The following CAMK1D variants were observed in gnomAD, a reference collection of about 807,000 sequenced individuals.
CAMK1D encodes the protein calcium/calmodulin dependent protein kinase ID.
Under a neutral mutation model 47.7 loss-of-function variants are expected in CAMK1D, and 9 were observed. The ratio of observed to expected loss-of-function variants is 0.19; its 90% CI spans 0.11 to 0.33. The LOEUF (loss-of-function observed/expected upper bound fraction) is 0.33. Ranked by LOEUF, CAMK1D falls within the 10% of genes least tolerant of loss-of-function variation. The pLI is 1.00. For synonymous variants in CAMK1D, 184 were observed against 184.9 expected (o/e 0.99, Z 0.04); for missense variants, 291 against 488.7 (o/e 0.60, Z 3.81).
At position 12,816,334 on chromosome 10, in the gene CAMK1D, G is replaced by A; in HGVS notation, c.833+6G>A. 1 of 1,612,198 alleles carries A rather than the reference G, an allele frequency of 6.2e-7. No homozygotes were observed. Among genetic ancestry groups the A allele is most frequent in the Non-Finnish European group, 8.5e-7 (1 of 1,178,950 alleles). Reference sequence around the variant, plus strand: ...CAGGCAGCTCGGCACCCATGGTAAGGAAATGCACCCGCTCAGCAGACCGTG... The same window carrying A: ...CAGGCAGCTCGGCACCCATGGTAAGAAAATGCACCCGCTCAGCAGACCGTG... On this transcript the variant is annotated splice_donor_region_variant and intron_variant, in intron 8 of 10. Transcript: ENST00000619168.
chr10:12,408,307 G>A (rs1377416205), intron 1 of CAMK1D, among the ~76,000 whole-genome samples: 7 of 151,978 alleles, frequency 4.6e-5, no homozygotes, highest in Admixed American at 3.3e-4. Context: ...GACTACAGGC[G>A]CCCGCTACCT....
chr10:12,737,421 G>T (rs1315984807), intron 3 of CAMK1D, among the ~76,000 whole-genome samples: 1 of 152,128 alleles, frequency 6.6e-6, no homozygotes, highest in Non-Finnish European at 1.5e-5. Flanking sequence ...TTCCTAGTCA[G>T]GCCCCTTCCT....
At chr10:12,801,287 GTC>G (rs1564571794) in intron 6 of CAMK1D, among the ~76,000 whole-genome samples, 20 of 132,696 alleles carry the variant, frequency 1.5e-4, no homozygotes, top group African/African-American at 5.1e-4. Context: ...CCATATTTCT[GTC>G]TGTGTGTGTA....
At chr10:12,463,342 T>C (rs1255131909) in intron 1 of CAMK1D, among the ~76,000 whole-genome samples, 1 of 152,136 alleles carries the variant, frequency 6.6e-6, no homozygotes. Flanking sequence ...TTCACCTTGT[T>C]GGCCAGGCTG....
chr10:12,416,695 G>A (rs1267860988), intron 1 of CAMK1D, among the ~76,000 whole-genome samples: 2 of 152,214 alleles, frequency 1.3e-5, no homozygotes, highest in African/African-American at 4.8e-5. Flanking sequence ...ACTAGCACTG[G>A]GCGGTGGAGA....
intron 5 of CAMK1D, among the ~76,000 whole-genome samples, chr10:12,781,153 G>A (rs1837475737): frequency 6.6e-6 from 1 of 152,184 alleles, no homozygotes; most frequent in Admixed American, 6.5e-5. Flanking sequence ...TTGTCGTGGT[G>A]GGAAAGAGGG....
intron 2 of CAMK1D, among the ~76,000 whole-genome samples, chr10:12,611,420 C>T (rs1026492552): frequency 9.9e-5 from 15 of 151,866 alleles, no homozygotes; most frequent in African/African-American, 2.4e-4. Context: ...TTTCTGGGGA[C>T]GAATCCAGAC....
intron 1 of CAMK1D, among the ~76,000 whole-genome samples, chr10:12,437,765 G>A (rs1255759943): frequency 1.3e-5 from 2 of 152,144 alleles, no homozygotes; most frequent in African/African-American, 4.8e-5. Flanking sequence ...CACCATGATC[G>A]TATCATACAG....
intron 1 of CAMK1D, among the ~76,000 whole-genome samples, chr10:12,419,586 G>A (rs190348087): frequency 1.8e-3 from 280 of 151,782 alleles, no homozygotes; most frequent in African/African-American, 6.3e-3. Flanking sequence ...CCGGGCCTCA[G>A]TGGATTCTGA....
intron 5 of CAMK1D, among the ~76,000 whole-genome samples, chr10:12,777,268 G>A (rs1028928343): frequency 4.6e-5 from 7 of 151,680 alleles, no homozygotes; most frequent in Non-Finnish European, 5.9e-5. Context: ...GGAGAGTGGC[G>A]TGCTCCCCGT....
chr10:12,532,544 G>C lies in CAMK1D; in HGVS notation c.93-20681G>C, dbSNP rs1348035538. On this transcript the variant is annotated intron_variant, in intron 1 of 10. Transcript: ENST00000619168. Reference sequence around the variant, plus strand: ...TCCGTCCGCCTCGGCCTCCCAAAGTGCTGGGATTACAGGCGTGAGCCACCG... The same window carrying C: ...TCCGTCCGCCTCGGCCTCCCAAAGTCCTGGGATTACAGGCGTGAGCCACCG... Among the ~76,000 whole-genome samples the C allele has an allele frequency of 3.3e-5, 5 of 151,362 alleles. No individual in the cohort carries two copies. In the East Asian group the frequency reaches 9.6e-4, roughly 29 times the overall value.
intron 2 of CAMK1D, among the ~76,000 whole-genome samples, chr10:12,623,346 TCCC>T (rs1839091729): frequency 7.7e-4 from 3 of 3,920 alleles, no homozygotes; most frequent in African/African-American, 3.0e-3. Flanking sequence ...CTTTCTTTCC[TCCC>T]TCCCTCCCTC....
chr10:12,404,204 C>A (rs1263628550), intron 1 of CAMK1D, among the ~76,000 whole-genome samples: 2 of 152,110 alleles, frequency 1.3e-5, no homozygotes, highest in Non-Finnish European at 2.9e-5. Flanking sequence ...CGCCACCGCG[C>A]CCAGCTAATT....
chr10:12,389,831 A>G (rs889120747), intron 1 of CAMK1D, among the ~76,000 whole-genome samples: 20 of 148,064 alleles, frequency 1.4e-4, no homozygotes, highest in African/African-American at 4.9e-4. Context: ...TTGGATTGTC[A>G]TTTGATTTTT....
At position 12,554,104 on chromosome 10, in the gene CAMK1D, T is replaced by TC. The variant is rs1836680836; in HGVS notation, c.224+748_224+749insC. Among the ~76,000 whole-genome samples, 3 of 151,992 alleles carry TC rather than the reference T, an allele frequency of 2.0e-5. No individual in the cohort carries two copies. In the South Asian group the frequency reaches 6.2e-4, roughly 32 times the overall value. On this transcript the variant is annotated intron_variant, in intron 2 of 10. Transcript: ENST00000619168. ...AAATAAAATAGATTTTTCTTTCTTT[T>TC]TTTTATTTCCTTTCTTTCCCTCCCC...
chr10:12,685,242 A>G (rs1020293365), intron 3 of CAMK1D, among the ~76,000 whole-genome samples: 1 of 152,252 alleles, frequency 6.6e-6, no homozygotes, highest in Non-Finnish European at 1.5e-5. Flanking sequence ...CGGAGGTTGC[A>G]GTGAGCCGAG....
intron 2 of CAMK1D, among the ~76,000 whole-genome samples, chr10:12,639,284 A>G (rs1358703250): frequency 6.6e-6 from 1 of 152,212 alleles, no homozygotes; most frequent in East Asian, 1.9e-4. Flanking sequence ...CAGGCGTTCA[A>G]GACCAGCCTG....
chr10:12,523,888 ATTATTTAT>A (rs201176779), intron 1 of CAMK1D, among the ~76,000 whole-genome samples: 1 of 151,512 alleles, frequency 6.6e-6, no homozygotes, highest in Non-Finnish European at 1.5e-5. Flanking sequence ...TTTTGTAGGG[ATTATTTAT>A]TTATTTATTT....
intron 1 of CAMK1D, among the ~76,000 whole-genome samples, chr10:12,384,784 G>A (rs1838441275): frequency 6.6e-6 from 1 of 152,138 alleles, no homozygotes; most frequent in Admixed American, 6.5e-5. Flanking sequence ...ACAAGCAACA[G>A]GAATAGATAC....
Sources: gnomAD v4.1 joint callset for allele counts (sites outside exome capture counted in the v4.1 genomes callset) on GRCh38, gnomAD v4.1.1 for gene constraint, MANE v1.5 for transcripts, NCBI Gene and HGNC (gene_info 2026-07-23, HGNC 2026-07-21) for gene names.